Variants in TTN observed in about 807,000 individuals in gnomAD.
The protein encoded by TTN is connectin.
In TTN, 1,525 loss-of-function variants were observed where a neutral mutation model predicts 3,223.0. The ratio of observed to expected loss-of-function variants is 0.47; its 90% CI spans 0.45 to 0.49. The LOEUF is 0.49. Among genes scored for constraint, TTN ranks in the 20% least tolerant of loss-of-function variants. The pLI, the probability that TTN is intolerant of heterozygous loss-of-function variation, is 0.00. For missense variants in TTN, 40,786 were observed against 43,424.0 expected, an observed-to-expected ratio of 0.94 and a Z score of 5.40; for synonymous variants, 14,094 against 15,161.0, an observed-to-expected ratio of 0.93 and a Z score of 5.17.
Position 178,715,679 on chromosome 2 carries a change from T to A in TTN, c.25735A>T (p.Ile8579Phe). The change falls in exon 89 of 363, where the codon ATC becomes TTC. Residue 8579 changes from isoleucine to phenylalanine, a missense_variant. Physicochemically the swap from Ile to Phe is conservative, Grantham distance 21. Coordinates refer to ENST00000589042, the MANE Select transcript of TTN (RefSeq NM_001267550.2). ...YECKIGGSPE[I>F]KVLWYKDETE... ...TCGTCCTTATACCATAAAACTTTGA[T>A]TTCTGGAGACCCACCGATTTTGCAT... 1 of 1,612,424 alleles carries A rather than the reference T, an allele frequency of 6.2e-7. No homozygotes were observed. The highest frequency in any genetic ancestry group is 1.3e-5 in the African/African-American group (1 of 75,016).
intron 359 of TTN, 98 bp downstream of exon 359, chr2:178,529,862 A>T: frequency 2.4e-6 from 3 of 1,266,328 alleles, no homozygotes; most frequent in South Asian, 1.4e-5. Flanking sequence ...ATTTTATTTT[A>T]ATACTTTCTT....
In TTN at chr2:178,714,004, G is replaced by C. The variant is rs951646862; in HGVS notation, c.26654C>G (p.Ser8885Cys). ...KYKISFFNKVSGLKIINVAPS... is the reference protein window; with the variant it reads ...KYKISFFNKVCGLKIINVAPS... The stretch of plus-strand genomic sequence containing the variant: ...TGCTACATTGATGATCTTAAGGCCG[G>C]ATACTTTGTTGAAGAAGCTTATTTT... The change falls in exon 92 of 363, where the codon TCC becomes TGC. Residue 8885 changes from serine to cysteine, a missense_variant. Coordinates refer to ENST00000589042, the MANE Select transcript of TTN (RefSeq NM_001267550.2). 1 of 1,613,558 alleles carries C rather than the reference G, an allele frequency of 6.2e-7. No individual in the cohort carries two copies. Among genetic ancestry groups the C allele is most frequent in the East Asian group, 2.2e-5 (1 of 44,860 alleles).
intron 336 of TTN, 141 bp from the exon 337 acceptor site, chr2:178,550,414 G>T: frequency 1.5e-6 from 1 of 664,208 alleles, no homozygotes; most frequent in Non-Finnish European, 2.4e-6. Context: ...TTTGAAAGTA[G>T]GATTGATAAT....
At chr2:178,696,788 T>G (rs2073806670) in intron 113 of TTN, among the ~76,000 whole-genome samples, 1 of 152,056 alleles carries the variant, frequency 6.6e-6, no homozygotes, top group Admixed American at 6.6e-5. Flanking sequence ...AGATAACAGA[T>G]TTTTAAAGTT....
chr2:178,747,682 T>C (rs745498283), intron 47 of TTN: 14 of 1,612,854 alleles, frequency 8.7e-6, no homozygotes, highest in Non-Finnish European at 1.2e-5. Flanking sequence ...GTAAATATTG[T>C]GTTAGGGAGG....
Position 178,729,091 on chromosome 2 carries a change from G to C in TTN, c.18947C>G (p.Ala6316Gly). 1 of 1,611,916 alleles carries C rather than the reference G, an allele frequency of 6.2e-7. No homozygotes were observed. Among genetic ancestry groups the C allele is most frequent in the Non-Finnish European group, 8.5e-7 (1 of 1,179,020 alleles). ...KSSATFQSTVAGSPPISITWL... is the reference protein window; with the variant it reads ...KSSATFQSTVGGSPPISITWL... ...GGTTATAGAAATAGGAGGAGAACCT[G>C]CCACGGTACTCTGAAAGGTGGCAGA... is the stretch of plus-strand genomic sequence containing the variant. Residue 6316 changes from alanine to glycine, a missense_variant, in exon 65 of 363, where the codon GCA (alanine) becomes GGA (glycine). Ala to Gly is a moderately conservative substitution (Grantham distance 60, BLOSUM62 0). Coordinates refer to ENST00000589042, the MANE Select transcript of TTN (RefSeq NM_001267550.2).
chr2:178,772,791 G>A lies in TTN; in HGVS notation c.7855+318C>T, dbSNP rs1241821869. 2.6e-5 allele frequency among the ~76,000 whole-genome samples: 4 copies of A among 152,158 alleles called. No individual in the cohort carries two copies. In the East Asian group the frequency reaches 7.7e-4, roughly 29 times the overall value. On this transcript the variant is annotated intron_variant, in intron 33 of 362. Transcript: ENST00000589042. Reference sequence around the variant, plus strand: ...TACACTGATATTGAAAGAGGAAATGGGGAATAAGACAAGTGCATAATAAAC... The same window carrying A: ...TACACTGATATTGAAAGAGGAAATGAGGAATAAGACAAGTGCATAATAAAC...
At position 178,565,894 on chromosome 2, in the gene TTN, G is replaced by C. The variant is rs1299776307; in HGVS notation, c.80238C>G (p.Asn26746Lys). The C allele has an allele frequency of 6.2e-7, 1 of 1,613,614 alleles. No homozygotes were observed. The highest frequency in any genetic ancestry group is 1.7e-5 in the Admixed American group (1 of 59,992). Residue 26746 changes from asparagine (N) to lysine (K), a missense_variant, in exon 326 of 363, where the codon AAC (asparagine) becomes AAG (lysine). Asn to Lys is a moderately conservative substitution (Grantham distance 94). Coordinates refer to ENST00000589042, the MANE Select transcript of TTN (RefSeq NM_001267550.2). ...KCSKTSFKVE[N>K]LTEGAIYYFR... ...AGTAATAAATGGCTCCTTCTGTAAG[G>C]TTTTCCACTTTAAAACTTGTTTTGC... is the stretch of plus-strand genomic sequence containing the variant.
intron 113 of TTN, 117 bp downstream of exon 113, chr2:178,697,004 G>A: frequency 4.5e-6 from 4 of 896,136 alleles, no homozygotes; most frequent in Non-Finnish European, 6.9e-6. Context: ...ATTTAACACA[G>A]CAGAGGAGAC....
chr2:178,787,402 TAA>T (rs1215380546), intron 13 of TTN, among the ~76,000 whole-genome samples: 11 of 152,136 alleles, frequency 7.2e-5, no homozygotes, highest in Admixed American at 5.9e-4. Flanking sequence ...TTAGGTGAGT[TAA>T]GTTTGTCCAT....
intron 71 of TTN, chr2:178,724,814 C>T (rs2079058516): frequency 1.4e-5 from 4 of 289,814 alleles, no homozygotes; most frequent in East Asian, 1.2e-4. Context: ...AATATATGTT[C>T]GTGCATGACT....
intron 232 of TTN, 35 bp downstream of exon 232, chr2:178,633,378 A>T (rs770907382): frequency 6.2e-7 from 1 of 1,613,108 alleles, no homozygotes; most frequent in South Asian, 1.1e-5. Context: ...CTGCAGATTC[A>T]GATAGGGTAA....
At position 178,565,733 on chromosome 2, in the gene TTN, A is replaced by G. The variant is rs761384994; in HGVS notation, c.80399T>C (p.Met26800Thr). The change falls in exon 326 of 363, where the codon ATG (methionine) becomes ACG (threonine). Residue 26800 changes from methionine (M) to threonine (T), a missense_variant. Met to Thr is a moderately conservative substitution (Grantham distance 81). Coordinates refer to ENST00000589042, the MANE Select transcript of TTN (RefSeq NM_001267550.2). ...GCCATCATGTTCAGGTTTCTCCCAC[A>G]TAAGTGATGCACTGGTCTGGGACAC... ...TDVSQTSASLMWEKPEHDGGS... is the reference protein window; with the variant it reads ...TDVSQTSASLTWEKPEHDGGS... 2.5e-5 allele frequency: 41 copies of G among 1,613,456 alleles called. No homozygotes were observed. The highest frequency in any genetic ancestry group is 3.2e-5 in the Non-Finnish European group (38 of 1,179,632).
At chr2:178,768,216 A>C in intron 38 of TTN, 61 bp from the exon 39 acceptor site, 5 of 1,549,360 alleles carry the variant, frequency 3.2e-6, no homozygotes, top group Non-Finnish European at 8.8e-7. Flanking sequence ...TATAATTCAC[A>C]TACTGTACAA....
rs78916558 is a variant in TTN, at chr2:178,576,119, C to T, written c.70013G>A (p.Arg23338Gln). The change falls in exon 326 of 363, where the codon CGG becomes CAG. Residue 23338 changes from arginine (R) to glutamine (Q), a missense_variant. Transcript: ENST00000589042. The surrounding 1 kb of genome is among the most constrained non-coding windows in gnomAD (Gnocchi z 4.3). ...TAGTTCAAAATCAGGAGCCATCTCC[C>T]GTTCTACGATTTCAACATCTGGAAT... ...AVIPDVEIVE[R>Q]EMAPDFELDA... 8.7e-6 allele frequency: 14 copies of T among 1,613,408 alleles called. No homozygotes were observed. The highest frequency in any genetic ancestry group is 5.0e-5 in the Admixed American group (3 of 59,996).
At chr2:178,804,525 A>T (rs1330758194) in intron 2 of TTN, 27 bp downstream of exon 2, 5 of 1,611,824 alleles carry the variant, frequency 3.1e-6, no homozygotes, top group African/African-American at 1.3e-5. Flanking sequence ...AGGAAAAAAA[A>T]ACAAAAGTGT....
At position 178,527,667 on chromosome 2, in the gene TTN, G is replaced by T; in HGVS notation, c.107459C>A (p.Ser35820Ter). ...CTGCTTGGAGGCAGACATTTGGACT[G>T]ACTGAGACGAGAAGCTTCCTTGCAA... ...TSLQGSFSSQ[S>*]VQMSASKQEA... The change falls in exon 362 of 363, where the codon TCA (serine) becomes TAA (stop). Residue 35820 changes from serine (S) to a stop codon, truncating the protein, a stop_gained. Coordinates refer to ENST00000589042, the MANE Select transcript of TTN (RefSeq NM_001267550.2). LOFTEE classifies it high-confidence loss of function. 1 of 1,613,728 alleles carries T rather than the reference G, an allele frequency of 6.2e-7. No individual in the cohort carries two copies. Among genetic ancestry groups the T allele is most frequent in the South Asian group, 1.1e-5 (1 of 91,050 alleles).
Position 178,634,323 on chromosome 2 carries a change from G to A in TTN, c.42415+43C>T. 10 of 1,572,902 alleles carry A rather than the reference G, an allele frequency of 6.4e-6. No homozygotes were observed. The highest frequency in any genetic ancestry group is 7.7e-6 in the Non-Finnish European group (9 of 1,169,198). On this transcript the variant is annotated intron_variant, in intron 230 of 362. Transcript: ENST00000589042. This position sits in a 1 kb window ranked among gnomAD's most constrained non-coding sequence, Gnocchi z 4.6. ...GTCCTATCTTTAAAGTCATATATTT[G>A]CATGCCTTTATGGGATGTCACAGAT...
Position 178,559,571 on chromosome 2 carries a change from A to C in TTN, c.86561T>G (p.Val28854Gly). 1.2e-6 allele frequency: 2 copies of C among 1,613,862 alleles called. No individual in the cohort carries two copies. The highest frequency in any genetic ancestry group is 1.1e-5 in the South Asian group (1 of 91,070). The change falls in exon 326 of 363, where the codon GTG becomes GGG. Residue 28854 changes from valine to glycine, a missense_variant. Coordinates refer to ENST00000589042, the MANE Select transcript of TTN (RefSeq NM_001267550.2). ...TGCAGACTCTTTGGTTACATCTTGC[A>C]CAGTAATGTTGGTTGGAGGACCTGG... ...DTPGPPTNITVQDVTKESAVL... is the reference protein window; with the variant it reads ...DTPGPPTNITGQDVTKESAVL...
Sources: gnomAD v4.1 joint callset for allele counts (sites outside exome capture counted in the v4.1 genomes callset) on GRCh38, gnomAD v4.1.1 for gene constraint, Gnocchi (gnomAD v3.1) non-coding constraint, MANE v1.5 for transcripts, NCBI Gene and HGNC (gene_info 2026-07-23, HGNC 2026-07-21) for gene names.